Variants in CLDN15 observed in about 807,000 individuals in gnomAD.
CLDN15 encodes claudin-15.
A neutral mutation model predicts 24.5 loss-of-function variants in CLDN15; 9 were observed. That is an observed-to-expected ratio of 0.37 (90% CI 0.22 to 0.64). CLDN15 has a LOEUF of 0.64. CLDN15 is among the 30% of genes least tolerant of loss of function. The probability of loss-of-function intolerance (pLI) is 0.63; values close to 1 mark genes in which losing one functional copy is unlikely to be tolerated. For missense variants in CLDN15, 248 were observed against 305.9 expected (o/e 0.81, Z 1.41); for synonymous variants, 149 against 131.4 (o/e 1.13, Z -0.92).
In CLDN15 at chr7:101,237,408, G is replaced by C; in HGVS notation, c.174C>G (p.Gly58=). The stretch of plus-strand genomic sequence containing the variant: ...ACGGGAACTCCCAGCAGTTGTAGAC[G>C]CCCAGGGAGTCGGTGGCACAGCTAA... ...LWFSCATDSL[G]VYNCWEFPSM... is the part of the protein sequence containing the mutation. Residue 58 remains glycine (G), a synonymous_variant, in exon 1 of 5, where the codon GGC becomes GGG. Coordinates refer to ENST00000308344, the MANE Select transcript of CLDN15 (RefSeq NM_014343.3). This position sits in a 1 kb window ranked among gnomAD's most constrained non-coding sequence, Gnocchi z 4.0. 6.2e-7 allele frequency: 1 copy of C among 1,613,240 alleles called. No homozygotes were observed. The highest frequency in any genetic ancestry group is 8.5e-7 in the Non-Finnish European group (1 of 1,179,630).
chr7:101,236,889 G>A, intron 1 of CLDN15: 1 of 1,143,436 alleles, frequency 8.7e-7, no homozygotes, highest in Non-Finnish European at 1.2e-6. Context: ...TGTGGAGCCT[G>A]GAAGTTGATC....
In CLDN15 at chr7:101,237,557, C is replaced by T. The variant is rs1313688853; in HGVS notation, c.25G>A (p.Gly9Ser). 1.2e-5 allele frequency: 19 copies of T among 1,614,140 alleles called. No homozygotes were observed. The highest frequency in any genetic ancestry group is 1.5e-5 in the Non-Finnish European group (18 of 1,179,980). ...AGCCCCACAGTTGCCATGAAGAAGC[C>T]AAAGGTTTCCACAGCCATCGACATG... MSMAVETF[G>S]FFMATVGLLM... is the part of the protein sequence containing the mutation. Residue 9 changes from glycine (G) to serine (S), a missense_variant, in exon 1 of 5, where the codon GGC (glycine) becomes AGC (serine). Transcript: ENST00000308344. This position sits in a 1 kb window ranked among gnomAD's most constrained non-coding sequence, Gnocchi z 4.0.
intron 1 of CLDN15, among the ~76,000 whole-genome samples, chr7:101,235,186 C>T (rs1466001289): frequency 1.3e-5 from 2 of 152,212 alleles, no homozygotes; most frequent in African/African-American, 4.8e-5. Context: ...TGTCCTAGCC[C>T]AGTGCTGGAC....
chr7:101,232,793 G>T, intron 3 of CLDN15, 40 bp downstream of exon 3: 1 of 1,570,026 alleles, frequency 6.4e-7, no homozygotes, highest in Non-Finnish European at 8.8e-7. Context: ...AGTCCCACCC[G>T]CTGCCCCGAG....
chr7:101,237,971 GCCC>G (rs1247945054), upstream of CLDN15: 2 of 292,586 alleles, frequency 6.8e-6, no homozygotes, highest in South Asian at 7.2e-5. The surrounding 1 kb of genome is among the most constrained non-coding windows in gnomAD (Gnocchi z 4.0). Context: ...CCAAGGAGGG[GCCC>G]CCAAGGGAGG....
chr7:101,238,386 G>A (rs1205605464), upstream of CLDN15: 1 of 152,456 alleles, frequency 6.6e-6, no homozygotes, highest in Non-Finnish European at 1.5e-5. Flanking sequence ...CTTACTGCAG[G>A]GGCTGTGGTG....
Position 101,237,356 on chromosome 7 carries a change from A to G in CLDN15, c.217+9T>C. ...GCCCTCTCTCCCTGGAGCGCTCCCCACCCCATACCAGAGAGGGCCAGCATG... is the reference window on the plus strand; with the variant it reads ...GCCCTCTCTCCCTGGAGCGCTCCCCGCCCCATACCAGAGAGGGCCAGCATG... On this transcript the variant is annotated intron_variant, in intron 1 of 4. Transcript: ENST00000308344. The surrounding 1 kb of genome is among the most constrained non-coding windows in gnomAD (Gnocchi z 4.0). The G allele has an allele frequency of 1.3e-6, 2 of 1,583,386 alleles. No homozygotes were observed. The highest frequency in any genetic ancestry group is 1.7e-6 in the Non-Finnish European group (2 of 1,157,152).
rs201461881 is a variant in CLDN15 at position 101,235,625 on chromosome 7, A to AT, written c.218-1184dup. On this transcript the variant is annotated intron_variant, in intron 1 of 4. Coordinates refer to ENST00000308344, the MANE Select transcript of CLDN15 (RefSeq NM_014343.3). Reference sequence around the variant, plus strand: ...CTTGCACCCCTTTCCCGGGTGGGGCATAACTGTTGGTGCTGAAGGGGAAAG... The same window carrying AT: ...CTTGCACCCCTTTCCCGGGTGGGGCATTAACTGTTGGTGCTGAAGGGGAAAG... Among the ~76,000 whole-genome samples, 634 of 152,210 alleles carry AT rather than the reference A, an allele frequency of 4.2e-3. 3 individuals are homozygous for AT. Among genetic ancestry groups the AT allele is most frequent in the African/African-American group, 0.015 (607 of 41,514 alleles).
chr7:101,237,964 A>G, upstream of CLDN15: 1 of 303,902 alleles, frequency 3.3e-6, no homozygotes, highest in East Asian at 7.7e-5. This position sits in a 1 kb window ranked among gnomAD's most constrained non-coding sequence, Gnocchi z 4.0. Flanking sequence ...GATACAGCCA[A>G]GGAGGGGCCC....
In CLDN15 at chr7:101,232,533, G is replaced by A. The variant is rs1798521522; in HGVS notation, c.582-18C>T. On this transcript the variant is annotated intron_variant, in intron 4 of 4. Transcript: ENST00000308344. ...GCCGGGCGCTGCGGGGAGGGCCCGGGGTCAGAGCGGGGGCGCGGCCCTCCT... is the reference window on the plus strand; with the variant it reads ...GCCGGGCGCTGCGGGGAGGGCCCGGAGTCAGAGCGGGGGCGCGGCCCTCCT... The A allele has an allele frequency of 1.2e-6, 2 of 1,600,996 alleles. No individual in the cohort carries two copies. Among genetic ancestry groups the A allele is most frequent in the African/African-American group, 1.3e-5 (1 of 74,800 alleles).
upstream of CLDN15, chr7:101,238,451 T>A (rs1177579991): frequency 6.6e-6 from 1 of 152,378 alleles, no homozygotes; most frequent in African/African-American, 2.4e-5. Flanking sequence ...CCTACCACTT[T>A]GGGAGGCTGG....
chr7:101,237,820 G>A (rs963521671), upstream of CLDN15: 15 of 561,098 alleles, frequency 2.7e-5, no homozygotes, highest in East Asian at 6.0e-5. This position sits in a 1 kb window ranked among gnomAD's most constrained non-coding sequence, Gnocchi z 4.0. Flanking sequence ...GCCTGCGCGC[G>A]GCAGCTGTTG....
Position 101,237,758 on chromosome 7 carries a change from C to G in CLDN15, c.-177G>C. 1 of 622,012 alleles carries G rather than the reference C, an allele frequency of 1.6e-6. No individual in the cohort carries two copies. The highest frequency in any genetic ancestry group is 1.9e-5 in the South Asian group (1 of 53,956). The allele number at this position is 622,012 out of a possible 1,614,324, so 38.5% of individuals were successfully genotyped here. The stretch of plus-strand genomic sequence containing the variant: ...AGGTCCGTCTCCACTTTCTGCCTCC[C>G]TCCTGCTCTGTGGGTCTCTCTGCTT... On this transcript the variant is annotated 5_prime_UTR_variant, in exon 1 of 5. Transcript: ENST00000308344. This position sits in a 1 kb window ranked among gnomAD's most constrained non-coding sequence, Gnocchi z 4.0.
At chr7:101,238,734 G>C (rs1798682559), upstream of CLDN15, 1 of 152,264 alleles carries the variant, frequency 6.6e-6, no homozygotes, top group Non-Finnish European at 1.5e-5. Context: ...TCTGCAACCT[G>C]TTCCCAGTTA....
At chr7:101,233,541 C>T (rs1269460451) in intron 2 of CLDN15, among the ~76,000 whole-genome samples, 5 of 152,120 alleles carry the variant, frequency 3.3e-5, no homozygotes, top group South Asian at 2.1e-4. Flanking sequence ...TTTGCTGAGA[C>T]GGGTTCTCAC....
At chr7:101,233,350 G>A (rs1175441791) in intron 2 of CLDN15, among the ~76,000 whole-genome samples, 1 of 152,038 alleles carries the variant, frequency 6.6e-6, no homozygotes. Context: ...AGACCCCCGG[G>A]CTAGCACCAC....
rs1442636743 is a variant in CLDN15, at chr7:101,237,138, C to T, written c.217+227G>A. 6.6e-6 allele frequency among the ~76,000 whole-genome samples: 1 copy of T among 152,230 alleles called. No homozygotes were observed. The highest frequency in any genetic ancestry group is 2.4e-5 in the African/African-American group (1 of 41,456). On this transcript the variant is annotated intron_variant, in intron 1 of 4. Coordinates refer to ENST00000308344, the MANE Select transcript of CLDN15 (RefSeq NM_014343.3). This position sits in a 1 kb window ranked among gnomAD's most constrained non-coding sequence, Gnocchi z 4.0. ...AAAGGGGGTCTGATTCTGGTGCCTG[C>T]ACCTGTAACAGCTAAAAGCGCCACA...
intron 2 of CLDN15, chr7:101,233,764 ATTTTTT>A (rs746861741): frequency 6.2e-4 from 55 of 88,546 alleles, no homozygotes; most frequent in African/African-American, 1.5e-3. Context: ...CGCCTGGCTA[ATTTTTT>A]TTTTTTTTTT....
chr7:101,234,199 G>T, intron 2 of CLDN15, 79 bp downstream of exon 2: 1 of 1,133,726 alleles, frequency 8.8e-7, no homozygotes, highest in South Asian at 1.2e-5. Context: ...GGGAATTGGA[G>T]AGGAGATTAG....
Sources: allele counts gnomAD v4.1 joint callset (sites outside exome capture counted in the v4.1 genomes callset), GRCh38; gene constraint gnomAD v4.1.1; non-coding constraint Gnocchi (gnomAD v3.1); transcripts MANE v1.5; gene names NCBI Gene and HGNC (gene_info 2026-07-23, HGNC 2026-07-21).